Variants in CAMSAP2 observed in about 807,000 individuals in gnomAD.
CAMSAP2 encodes calmodulin-regulated spectrin-associated protein 2.
A neutral mutation model predicts 146.1 loss-of-function variants in CAMSAP2; 26 were observed. That is an observed-to-expected ratio of 0.18 (90% CI 0.13 to 0.25). CAMSAP2 has a LOEUF of 0.25. Ranked by LOEUF, CAMSAP2 falls within the 10% of genes least tolerant of loss-of-function variation. CAMSAP2 has a pLI of 1.00. For synonymous variants in CAMSAP2, 499 were observed against 596.6 expected, an observed-to-expected ratio of 0.84 and a Z score of 2.38; for missense variants, 1,381 against 1,759.3, an observed-to-expected ratio of 0.78 and a Z score of 3.85.
Position 200,739,890 on chromosome 1 carries a change from T to G in CAMSAP2, c.63T>G (p.Pro21=). Residue 21 remains proline, a synonymous_variant, in exon 1 of 17, where the codon CCT becomes CCG. Coordinates refer to ENST00000358823, the MANE Select transcript of CAMSAP2 (RefSeq NM_203459.4). This position sits in a 1 kb window ranked among gnomAD's most constrained non-coding sequence, Gnocchi z 4.8. ...CGTTCATTGTTCCAGCCATCAAGCC[T>G]TTTGACCACTATGATTTCTCCAGGG... is the stretch of plus-strand genomic sequence containing the variant. ...RKTFIVPAIK[P]FDHYDFSRAK... is the part of the protein sequence containing the mutation. 6.2e-7 allele frequency: 1 copy of G among 1,614,180 alleles called. No individual in the cohort carries two copies. Among genetic ancestry groups the G allele is most frequent in the Non-Finnish European group, 8.5e-7 (1 of 1,180,006 alleles).
chr1:200,848,895 C>T lies in CAMSAP2; in HGVS notation c.2126C>T (p.Ser709Phe), dbSNP rs764145189. 2 of 1,614,122 alleles carry T rather than the reference C, an allele frequency of 1.2e-6. No homozygotes were observed. Among genetic ancestry groups the T allele is most frequent in the Admixed American group, 1.7e-5 (1 of 60,012 alleles). The stretch of plus-strand genomic sequence containing the variant: ...GATGGAAAAAGTAGTGGAAGCAGTT[C>T]TCAAAAAACTACACCAGAAGGCTCT... ...HTDGKSSGSSSQKTTPEGSEL... is the reference protein window; with the variant it reads ...HTDGKSSGSSFQKTTPEGSEL... The change falls in exon 11 of 17, where the codon TCT becomes TTT. Residue 709 changes from serine to phenylalanine, a missense_variant. Ser to Phe is a radical substitution (Grantham distance 155). Coordinates refer to ENST00000358823, the MANE Select transcript of CAMSAP2 (RefSeq NM_203459.4).
At position 200,784,594 on chromosome 1, in the gene CAMSAP2, A is replaced by T. The variant is rs374421746; in HGVS notation, c.400-22782A>T. On this transcript the variant is annotated intron_variant, in intron 2 of 16. Coordinates refer to ENST00000358823, the MANE Select transcript of CAMSAP2 (RefSeq NM_203459.4). ...ATAGAAATACAATTGAATTTTGAAC[A>T]TTTTTTTTATCCTGTGACCTTGCTA... Among the ~76,000 whole-genome samples the T allele has an allele frequency of 2.4e-4, 37 of 152,070 alleles. No individual in the cohort carries two copies. The South Asian group carries it at 7.1e-3, about 29-fold the overall frequency.
At chr1:200,749,273 A>G (rs986396784) in intron 1 of CAMSAP2, among the ~76,000 whole-genome samples, 1 of 152,224 alleles carries the variant, frequency 6.6e-6, no homozygotes, top group Non-Finnish European at 1.5e-5. Context: ...CACTTGCTCT[A>G]TTAGACATGG....
intron 3 of CAMSAP2, among the ~76,000 whole-genome samples, chr1:200,809,580 C>T (rs1197354552): frequency 2.0e-5 from 3 of 152,016 alleles, no homozygotes; most frequent in Admixed American, 2.0e-4. Context: ...AAAATACAAA[C>T]ATTAGCTGAG....
At chr1:200,830,425 C>T (rs1422364078) in intron 4 of CAMSAP2, among the ~76,000 whole-genome samples, 2 of 152,152 alleles carry the variant, frequency 1.3e-5, no homozygotes, top group Non-Finnish European at 2.9e-5. Flanking sequence ...GTTGCATGAC[C>T]CTGGGTGCTT....
intron 2 of CAMSAP2, among the ~76,000 whole-genome samples, chr1:200,764,613 A>G (rs1311356216): frequency 1.3e-5 from 2 of 152,258 alleles, no homozygotes; most frequent in Non-Finnish European, 2.9e-5. Flanking sequence ...CATGCCTTGT[A>G]TGCATACTAA....
chr1:200,806,793 CTATCTA>C, intron 2 of CAMSAP2, among the ~76,000 whole-genome samples: 1 of 151,240 alleles, frequency 6.6e-6, no homozygotes, highest in African/African-American at 2.4e-5. Context: ...ATCTATCTAT[CTATCTA>C]TCTATCTATC....
intron 1 of CAMSAP2, among the ~76,000 whole-genome samples, chr1:200,759,269 C>T (rs1393324856): frequency 1.4e-5 from 2 of 147,784 alleles, no homozygotes; most frequent in Non-Finnish European, 1.5e-5. Context: ...TCTGCCGATT[C>T]CTGCTATTCT....
At chr1:200,810,720 C>G (rs7517047) in intron 3 of CAMSAP2, among the ~76,000 whole-genome samples, 14,894 of 151,558 alleles carry the variant, frequency 0.098, 842 homozygotes, top group East Asian at 0.17. Flanking sequence ...GAAACCCTGT[C>G]TCTACTAAAA....
chr1:200,824,332 A>T (rs1228724738), intron 4 of CAMSAP2, among the ~76,000 whole-genome samples: 1 of 151,680 alleles, frequency 6.6e-6, no homozygotes, highest in Non-Finnish European at 1.5e-5. Context: ...AAAATCAGCC[A>T]TTTCTTCAGT....
Position 200,832,875 on chromosome 1 carries a change from G to C in CAMSAP2, c.927+30G>C. ...ATTAAATTATTCTTTTTTTCCCTTT[G>C]CTTTGTTAAAATATGTTTTTTTAAA... On this transcript the variant is annotated intron_variant, in intron 6 of 16. Coordinates refer to ENST00000358823, the MANE Select transcript of CAMSAP2 (RefSeq NM_203459.4). The surrounding 1 kb of genome is among the most constrained non-coding windows in gnomAD (Gnocchi z 4.2). 6.5e-7 allele frequency: 1 copy of C among 1,534,508 alleles called. No homozygotes were observed. Among genetic ancestry groups the C allele is most frequent in the Non-Finnish European group, 8.8e-7 (1 of 1,140,182 alleles).
intron 8 of CAMSAP2, among the ~76,000 whole-genome samples, chr1:200,845,740 A>G (rs1461683883): frequency 2.6e-5 from 4 of 152,202 alleles, no homozygotes; most frequent in Non-Finnish European, 1.5e-5. Flanking sequence ...CAACAGTTAC[A>G]AGCAGGTACC....
intron 2 of CAMSAP2, among the ~76,000 whole-genome samples, chr1:200,791,839 G>A (rs1177773329): frequency 6.6e-6 from 1 of 151,924 alleles, no homozygotes; most frequent in Non-Finnish European, 1.5e-5. Flanking sequence ...GGTGGCACGC[G>A]CCTGTAATCT....
intron 2 of CAMSAP2, among the ~76,000 whole-genome samples, chr1:200,779,827 CTA>C (rs958395545): frequency 5.9e-5 from 9 of 151,866 alleles, no homozygotes; most frequent in African/African-American, 1.7e-4. Context: ...TGTTTAATAA[CTA>C]TAGAATATCA....
Position 200,848,501 on chromosome 1 carries a change from T to G in CAMSAP2, c.1732T>G (p.Leu578Val). The change falls in exon 11 of 17, where the codon TTA (leucine) becomes GTA (valine). Residue 578 changes from leucine to valine, a missense_variant. By Grantham distance (32) the Leu-to-Val change is conservative. Around this residue, in one of 4 missense-constraint regions of CAMSAP2, gnomAD observed 447 missense variants for 462.2 expected, o/e 0.97. Transcript: ENST00000358823. ...TCTTCATAGTCAAGAAATGAGTATC[T>G]TAAATTCAAATATCAAGTTAAATCA... ...FFLHSQEMSI[L>V]NSNIKLNQSS... 1 of 1,613,852 alleles carries G rather than the reference T, an allele frequency of 6.2e-7. No homozygotes were observed. The highest frequency in any genetic ancestry group is 8.5e-7 in the Non-Finnish European group (1 of 1,179,934).
chr1:200,789,566 CTG>C (rs1275860266), intron 2 of CAMSAP2, among the ~76,000 whole-genome samples: 3 of 152,176 alleles, frequency 2.0e-5, no homozygotes, highest in African/African-American at 7.2e-5. Flanking sequence ...TACTGAATCT[CTG>C]TAGTGAGCTT....
chr1:200,798,103 T>C (rs1329937115), intron 2 of CAMSAP2, among the ~76,000 whole-genome samples: 5 of 148,766 alleles, frequency 3.4e-5, no homozygotes, highest in South Asian at 2.1e-4. Context: ...AGTCAGGTAG[T>C]GTGATGCCTC....
At chr1:200,752,765 C>T (rs1291369614) in intron 1 of CAMSAP2, among the ~76,000 whole-genome samples, 13 of 151,892 alleles carry the variant, frequency 8.6e-5, no homozygotes, top group African/African-American at 2.7e-4. Flanking sequence ...TACAGGTGCC[C>T]GCCACCACGC....
At chr1:200,750,725 A>C (rs576137068) in intron 1 of CAMSAP2, among the ~76,000 whole-genome samples, 2 of 151,706 alleles carry the variant, frequency 1.3e-5, no homozygotes, top group Admixed American at 6.6e-5. Flanking sequence ...CCCGGGTTCA[A>C]GTGATTCTCC....
Sources: gnomAD v4.1 joint callset for allele counts (sites outside exome capture counted in the v4.1 genomes callset) on GRCh38, gnomAD v4.1.1 for gene constraint, gnomAD v4.1.1 regional missense constraint, Gnocchi (gnomAD v3.1) non-coding constraint, MANE v1.5 for transcripts, NCBI Gene and HGNC (gene_info 2026-07-23, HGNC 2026-07-21) for gene names.